Variants in GALNT13 observed in about 807,000 individuals in gnomAD.
GALNT13 encodes the protein UDP-GalNAc:polypeptide N-acetylgalactosaminyltransferase 13.
GALNT13 carries 28 observed loss-of-function variants against 64.2 expected under a neutral mutation model. That is an observed-to-expected ratio of 0.44 (90% CI 0.32 to 0.60). The LOEUF is 0.60. Among genes scored for constraint, GALNT13 ranks in the 20% least tolerant of loss-of-function variants. The probability of loss-of-function intolerance (pLI) is 0.05; values close to 1 mark genes in which losing one functional copy is unlikely to be tolerated. For synonymous variants in GALNT13, 214 were observed against 224.6 expected (o/e 0.95, Z 0.42); for missense variants, 577 against 669.8 (o/e 0.86, Z 1.53).
At chr2:154,079,052 A>G (rs1044328336) in intron 3 of GALNT13, among the ~76,000 whole-genome samples, 1 of 151,658 alleles carries the variant, frequency 6.6e-6, no homozygotes, top group African/African-American at 2.4e-5. Context: ...AATGATTACA[A>G]CTCATAACTG....
intron 3 of GALNT13, among the ~76,000 whole-genome samples, chr2:154,127,021 C>G (rs58772025): frequency 6.6e-6 from 1 of 152,114 alleles, no homozygotes; most frequent in Non-Finnish European, 1.5e-5. Flanking sequence ...TAAAAGAATA[C>G]TCAGCTGCAG....
chr2:153,792,670 A>G, the GALNT13 span, among the ~76,000 whole-genome samples: 1 of 152,180 alleles, frequency 6.6e-6, no homozygotes, highest in Non-Finnish European at 1.5e-5. Context: ...TTGTATGGGT[A>G]TACTCTAATT....
the GALNT13 span, among the ~76,000 whole-genome samples, chr2:153,141,341 G>A: frequency 6.6e-6 from 1 of 152,140 alleles, no homozygotes; most frequent in Middle Eastern, 3.4e-3. Context: ...GTCTGTCCTT[G>A]TGTGGAACCT....
the GALNT13 span, among the ~76,000 whole-genome samples, chr2:153,560,288 C>G: frequency 3.3e-5 from 5 of 151,946 alleles, no homozygotes; most frequent in Admixed American, 6.6e-5. Context: ...GAAAAGTTTT[C>G]AAAGGTACAT....
the GALNT13 span, among the ~76,000 whole-genome samples, chr2:153,419,123 C>T: frequency 6.6e-6 from 1 of 152,216 alleles, no homozygotes; most frequent in Non-Finnish European, 1.5e-5. Context: ...AATTGACTCA[C>T]AGTTCCTCAG....
the GALNT13 span, among the ~76,000 whole-genome samples, chr2:153,541,730 A>T: frequency 4.6e-5 from 7 of 152,204 alleles, no homozygotes; most frequent in East Asian, 1.9e-4. Context: ...CTAGCTGGAC[A>T]GGGCTTGCTT....
intron 3 of GALNT13, among the ~76,000 whole-genome samples, chr2:154,043,456 A>ATG (rs1699116728): frequency 2.9e-5 from 2 of 69,228 alleles, no homozygotes; most frequent in East Asian, 2.0e-3. Flanking sequence ...ATATATATAT[A>ATG]CACACATGTA....
intron 3 of GALNT13, among the ~76,000 whole-genome samples, chr2:154,071,520 G>C (rs1365534345): frequency 1.3e-5 from 2 of 152,020 alleles, no homozygotes; most frequent in Admixed American, 6.6e-5. Flanking sequence ...AAATATGTTT[G>C]AACTTTAAAT....
intron 4 of GALNT13, among the ~76,000 whole-genome samples, chr2:154,201,079 T>C (rs1395597461): frequency 6.6e-6 from 1 of 152,164 alleles, no homozygotes; most frequent in Non-Finnish European, 1.5e-5. Context: ...AAGTGGTATA[T>C]ATAATATGCT....
chr2:154,378,768 A>G (rs1344574540), intron 9 of GALNT13, among the ~76,000 whole-genome samples: 2 of 152,060 alleles, frequency 1.3e-5, no homozygotes, highest in Non-Finnish European at 2.9e-5. Flanking sequence ...TATACAACAT[A>G]TATAGTATTA....
At chr2:154,125,100 A>G (rs957405287) in intron 3 of GALNT13, among the ~76,000 whole-genome samples, 5 of 152,140 alleles carry the variant, frequency 3.3e-5, no homozygotes, top group Non-Finnish European at 1.5e-5. Context: ...CCCATCCCAT[A>G]GACTTGTTAT....
At chr2:153,621,578 C>T in the GALNT13 span, among the ~76,000 whole-genome samples, 2 of 152,144 alleles carry the variant, frequency 1.3e-5, no homozygotes, top group African/African-American at 2.4e-5. Context: ...GAGGTACTGT[C>T]TGGGAGTCAG....
chr2:154,299,051 T>C (rs1455658250), intron 8 of GALNT13, among the ~76,000 whole-genome samples: 1 of 146,946 alleles, frequency 6.8e-6, no homozygotes, highest in Non-Finnish European at 1.5e-5. Context: ...ATATAAAATA[T>C]AAAATGTAGA....
At chr2:153,277,116 G>A in the GALNT13 span, among the ~76,000 whole-genome samples, 11 of 152,206 alleles carry the variant, frequency 7.2e-5, no homozygotes, top group Middle Eastern at 0.01. Context: ...GGTATATTGT[G>A]CGACGGTAAT....
chr2:153,205,881 T>C, the GALNT13 span, among the ~76,000 whole-genome samples: 1 of 152,026 alleles, frequency 6.6e-6, no homozygotes, highest in African/African-American at 2.4e-5. Context: ...CAGACTAAAT[T>C]ATTATTAATT....
chr2:153,756,267 G>A, the GALNT13 span, among the ~76,000 whole-genome samples: 1 of 151,960 alleles, frequency 6.6e-6, no homozygotes, highest in Non-Finnish European at 1.5e-5. Context: ...ATTAAAATAA[G>A]CATTTTACCT....
chr2:153,774,924 A>T, the GALNT13 span, among the ~76,000 whole-genome samples: 2 of 152,200 alleles, frequency 1.3e-5, no homozygotes, highest in Non-Finnish European at 2.9e-5. Flanking sequence ...AATTAAAATT[A>T]TAACAATAAT....
intron 4 of GALNT13, among the ~76,000 whole-genome samples, chr2:154,158,776 G>A (rs928008532): frequency 2.0e-5 from 3 of 151,950 alleles, no homozygotes; most frequent in African/African-American, 7.3e-5. Flanking sequence ...CAATTTTTTT[G>A]AATTTGAAAA....
chr2:153,569,639 A>G, the GALNT13 span, among the ~76,000 whole-genome samples: 2 of 152,224 alleles, frequency 1.3e-5, no homozygotes, highest in Non-Finnish European at 2.9e-5. Flanking sequence ...CACATCACGG[A>G]AAATAGGACA....
Sources: allele counts gnomAD v4.1 joint callset (sites outside exome capture counted in the v4.1 genomes callset), GRCh38; gene constraint gnomAD v4.1.1; transcripts MANE v1.5; gene names NCBI Gene and HGNC (gene_info 2026-07-23, HGNC 2026-07-21).